MED13: variants seen among roughly 807,000 people sequenced by gnomAD.
MED13 encodes the protein mediator of RNA polymerase II transcription subunit 13.
MED13 carries 23 observed loss-of-function variants against 225.2 expected under a neutral mutation model. The observed-to-expected ratio is 0.10, with a 90% CI of 0.07 to 0.14. The LOEUF (loss-of-function observed/expected upper bound fraction) is 0.14. Ranked by LOEUF, MED13 falls within the 10% of genes least tolerant of loss-of-function variation. The probability of loss-of-function intolerance (pLI) is 1.00; values close to 1 mark genes in which losing one functional copy is unlikely to be tolerated. For synonymous variants in MED13, 942 were observed against 889.2 expected (o/e 1.06, Z -1.06); for missense variants, 2,197 against 2,594.5 (o/e 0.85, Z 3.33).
At chr17:61,973,225 A>G (rs1243257922) in intron 16 of MED13, among the ~76,000 whole-genome samples, 1 of 152,162 alleles carries the variant, frequency 6.6e-6, no homozygotes, top group Non-Finnish European at 1.5e-5. Context: ...TAGGTATTTT[A>G]CCAGAAAGAA....
intron 24 of MED13, 61 bp downstream of exon 24, chr17:61,956,278 A>C: frequency 6.6e-7 from 1 of 1,512,258 alleles, no homozygotes; most frequent in Admixed American, 1.9e-5. Flanking sequence ...AGACGTGGTC[A>C]GAACTGTGTG....
At chr17:62,002,524 A>G (rs562283151) in intron 9 of MED13, among the ~76,000 whole-genome samples, 6 of 151,706 alleles carry the variant, frequency 4.0e-5, no homozygotes, top group South Asian at 2.1e-4. Flanking sequence ...TCAAAAGAGA[A>G]TAACAGTAAT....
intron 19 of MED13, among the ~76,000 whole-genome samples, chr17:61,965,923 CTT>C (rs1210650323): frequency 1.3e-5 from 2 of 151,842 alleles, no homozygotes; most frequent in Non-Finnish European, 2.9e-5. Flanking sequence ...TTCTGCATCT[CTT>C]TGGATTAAGT....
chr17:61,961,694 G>A lies in MED13; in HGVS notation c.5150C>T (p.Ser1717Leu), dbSNP rs779358191. 2.9e-5 allele frequency: 47 copies of A among 1,613,798 alleles called. No homozygotes were observed. The highest frequency in any genetic ancestry group is 2.1e-4 in the African/African-American group (16 of 74,850). ...YPQHLKSLAF[S>L]AFTQCRRPLP... The stretch of plus-strand genomic sequence containing the variant: ...TGGCCTCCGACACTGGGTAAAGGCC[G>A]AAAAAGCCAGGGATTTTAAATGCTG... Residue 1717 changes from serine to leucine, a missense_variant, in exon 22 of 30, where the codon TCG (serine) becomes TTG (leucine). Ser to Leu is a moderately radical substitution (Grantham distance 145). Transcript: ENST00000397786.
intron 10 of MED13, among the ~76,000 whole-genome samples, chr17:61,994,470 C>T (rs1367701887): frequency 6.6e-6 from 1 of 152,128 alleles, no homozygotes. Context: ...AAAAATAGCA[C>T]ATATTTTTTA....
At position 61,984,374 on chromosome 17, in the gene MED13, T is replaced by C. The variant is rs745597865; in HGVS notation, c.2692-7A>G. 5 of 1,538,896 alleles carry C rather than the reference T, an allele frequency of 3.2e-6. No individual in the cohort carries two copies. The highest frequency in any genetic ancestry group is 4.4e-6 in the Non-Finnish European group (5 of 1,147,798). Reference sequence around the variant, plus strand: ...TATAGACATAAGAAAAATCCTACAATATAAAGATGGTAGGTTTTCAGTATC... The same window carrying C: ...TATAGACATAAGAAAAATCCTACAACATAAAGATGGTAGGTTTTCAGTATC... On this transcript the variant is annotated splice_region_variant and splice_polypyrimidine_tract_variant and intron_variant, in intron 14 of 29. Transcript: ENST00000397786.
In MED13 at chr17:61,962,772, T is replaced by G. The variant is rs750764904; in HGVS notation, c.5044A>C (p.Lys1682Gln). 6.2e-7 allele frequency: 1 copy of G among 1,614,036 alleles called. No individual in the cohort carries two copies. The highest frequency in any genetic ancestry group is 2.2e-5 in the East Asian group (1 of 44,882). The change falls in exon 21 of 30, where the codon AAG (lysine) becomes CAG (glutamine). Residue 1682 changes from lysine (K) to glutamine (Q), a missense_variant. Physicochemically the swap from Lys to Gln is moderately conservative, Grantham distance 53 (BLOSUM62 1). Transcript: ENST00000397786. ...EMVQTLPPHI[K>Q]STVSVQIIPC... Reference sequence around the variant, plus strand: ...CTTACCTGTACAGAAACAGTACTCTTGATATGAGGAGGAAGAGTCTGGACC... The same window carrying G: ...CTTACCTGTACAGAAACAGTACTCTGGATATGAGGAGGAAGAGTCTGGACC...
At chr17:61,946,817 A>G (rs1228505039) in intron 29 of MED13, 100 bp downstream of exon 29, 1 of 1,197,036 alleles carries the variant, frequency 8.4e-7, no homozygotes, top group African/African-American at 1.5e-5. Context: ...ACTGGTACAC[A>G]ACTGTAAATT....
intron 3 of MED13, among the ~76,000 whole-genome samples, chr17:62,044,075 T>C (rs1380819497): frequency 6.6e-6 from 1 of 152,140 alleles, no homozygotes; most frequent in African/African-American, 2.4e-5. Flanking sequence ...ACGCTACTAA[T>C]GGTTAATAAT....
chr17:62,033,076 G>C (rs572584440), intron 5 of MED13, among the ~76,000 whole-genome samples: 8 of 151,974 alleles, frequency 5.3e-5, no homozygotes, highest in African/African-American at 1.9e-4. Context: ...CTTGAACCTG[G>C]GAGGCGGAGG....
intron 9 of MED13, among the ~76,000 whole-genome samples, chr17:62,009,849 T>C (rs562161167): frequency 1.3e-5 from 2 of 152,246 alleles, no homozygotes; most frequent in Non-Finnish European, 2.9e-5. Flanking sequence ...ATTTACTATA[T>C]ATTCATAAGG....
At chr17:62,030,053 G>A (rs757126825) in intron 6 of MED13, 40 bp from the exon 7 acceptor site, 8 of 1,428,282 alleles carry the variant, frequency 5.6e-6, no homozygotes, top group Non-Finnish European at 7.4e-6. Context: ...GGAGAATAAA[G>A]GTAGGTTTAA....
At chr17:61,962,278 CTG>C (rs1207280716) in intron 21 of MED13, among the ~76,000 whole-genome samples, 3 of 152,114 alleles carry the variant, frequency 2.0e-5, no homozygotes, top group African/African-American at 4.8e-5. Context: ...GAGCGAGACT[CTG>C]TCTCAGAAAA....
In MED13 at chr17:61,965,291, A is replaced by G; in HGVS notation, c.4559T>C (p.Val1520Ala). ...TGTGGCAACTGAAGTAGATATGGCA[A>G]CACCTGAAGTCACTGTCATAGTGCT... ...ASSTMTVTSGVAISTSVATAN... is the reference protein window; with the variant it reads ...ASSTMTVTSGAAISTSVATAN... The change falls in exon 20 of 30, where the codon GTT becomes GCT. Residue 1520 changes from valine (V) to alanine (A), a missense_variant. Val to Ala is a moderately conservative substitution (Grantham distance 64, BLOSUM62 0). This residue lies in a region of MED13 where 457 missense variants were observed against 442.2 expected (regional missense o/e 1.03). Coordinates refer to ENST00000397786, the MANE Select transcript of MED13 (RefSeq NM_005121.3). The G allele has an allele frequency of 6.2e-7, 1 of 1,614,234 alleles. No individual in the cohort carries two copies. Among genetic ancestry groups the G allele is most frequent in the South Asian group, 1.1e-5 (1 of 91,088 alleles).
chr17:62,043,180 A>AG (rs2080869385), intron 3 of MED13, among the ~76,000 whole-genome samples: 1 of 147,952 alleles, frequency 6.8e-6, no homozygotes, highest in African/African-American at 2.5e-5. Context: ...AAAAAAAAAA[A>AG]AAAAGAAAGA....
At chr17:62,040,545 A>G (rs1482755926) in intron 3 of MED13, among the ~76,000 whole-genome samples, 2 of 152,262 alleles carry the variant, frequency 1.3e-5, no homozygotes, top group Non-Finnish European at 2.9e-5. Flanking sequence ...GCAGTGCCAC[A>G]TCAAACCTAT....
At chr17:61,997,067 G>T (rs541319799) in intron 9 of MED13, among the ~76,000 whole-genome samples, 9 of 152,150 alleles carry the variant, frequency 5.9e-5, no homozygotes, top group African/African-American at 1.9e-4. Flanking sequence ...GACAAAAATT[G>T]TAAGATATGT....
At chr17:61,994,990 C>A (rs544373342) in intron 10 of MED13, among the ~76,000 whole-genome samples, 162 bp downstream of exon 10, 1 of 152,318 alleles carries the variant, frequency 6.6e-6, no homozygotes, top group South Asian at 2.1e-4. Context: ...GTATTACAGG[C>A]ATGAGCCACC....
At chr17:61,958,022 G>A (rs150070187) in intron 23 of MED13, among the ~76,000 whole-genome samples, 1,852 of 134,892 alleles carry the variant, frequency 0.014, 21 homozygotes, top group Middle Eastern at 0.059. Context: ...CCGCCACTAC[G>A]CCCAGCTAAT....
Sources: gnomAD v4.1 joint callset for allele counts (sites outside exome capture counted in the v4.1 genomes callset) on GRCh38, gnomAD v4.1.1 for gene constraint, gnomAD v4.1.1 regional missense constraint, MANE v1.5 for transcripts, NCBI Gene and HGNC (gene_info 2026-07-23, HGNC 2026-07-21) for gene names.